Variants in B3GALT1 observed in about 807,000 individuals in gnomAD.
B3GALT1 encodes the protein UDP-Gal:betaGlcNAc beta 1,3-galactosyltransferase, polypeptide 1.
In B3GALT1, 10 loss-of-function variants were observed where a neutral mutation model predicts 23.2. That is an observed-to-expected ratio of 0.43 (90% CI 0.27 to 0.73). The LOEUF (loss-of-function observed/expected upper bound fraction) is 0.73. B3GALT1 is among the 30% of genes least tolerant of loss of function. The pLI is 0.21. For missense variants in B3GALT1, 299 were observed against 405.4 expected, an observed-to-expected ratio of 0.74 and a Z score of 2.25; for synonymous variants, 156 against 141.5, an observed-to-expected ratio of 1.10 and a Z score of -0.73.
intron 1 of B3GALT1, among the ~76,000 whole-genome samples, chr2:167,296,797 T>C (rs981536777): frequency 2.6e-5 from 4 of 152,170 alleles, no homozygotes; most frequent in African/African-American, 9.6e-5. Context: ...CACACAAAGA[T>C]CCCCACCCTT....
chr2:167,804,788 T>C (rs1249570762), intron 3 of B3GALT1, among the ~76,000 whole-genome samples: 7 of 151,752 alleles, frequency 4.6e-5, no homozygotes, highest in South Asian at 4.2e-4. Flanking sequence ...AATAAACATA[T>C]GTGTGCATGT....
intron 1 of B3GALT1, among the ~76,000 whole-genome samples, chr2:167,464,173 T>TA (rs1307475193): frequency 2.1e-3 from 312 of 151,132 alleles, no homozygotes; most frequent in Middle Eastern, 3.4e-3. Context: ...TTTTTTTTTT[T>TA]AAAAAAGGAT....
At chr2:167,308,388 A>T (rs1243234404) in intron 1 of B3GALT1, among the ~76,000 whole-genome samples, 2 of 151,904 alleles carry the variant, frequency 1.3e-5, no homozygotes, top group Non-Finnish European at 2.9e-5. Context: ...AAGGGAAAAA[A>T]CTGCCCTATC....
intron 1 of B3GALT1, among the ~76,000 whole-genome samples, chr2:167,454,771 C>T (rs1178173372): frequency 2.0e-5 from 3 of 152,174 alleles, no homozygotes; most frequent in East Asian, 3.9e-4. Flanking sequence ...GCAGTTTTTA[C>T]TGTAATACCA....
intron 2 of B3GALT1, among the ~76,000 whole-genome samples, chr2:167,623,670 G>T (rs1053849727): frequency 1.3e-5 from 2 of 151,992 alleles, no homozygotes; most frequent in African/African-American, 4.8e-5. Flanking sequence ...GTTGATGGGT[G>T]CACCAAACCA....
chr2:167,693,165 T>C (rs1194725754), intron 3 of B3GALT1, among the ~76,000 whole-genome samples: 2 of 151,960 alleles, frequency 1.3e-5, no homozygotes, highest in Non-Finnish European at 1.5e-5. Context: ...CAATACCCTT[T>C]ACAGAGTATG....
chr2:167,507,377 C>T (rs531806653), intron 2 of B3GALT1, among the ~76,000 whole-genome samples: 172 of 151,404 alleles, frequency 1.1e-3, no homozygotes, highest in African/African-American at 3.8e-3. Flanking sequence ...TGTGGTGGCA[C>T]GCACCTGTAA....
At chr2:167,332,021 G>C (rs1464484982) in intron 1 of B3GALT1, among the ~76,000 whole-genome samples, 1 of 152,200 alleles carries the variant, frequency 6.6e-6, no homozygotes, top group Non-Finnish European at 1.5e-5. Flanking sequence ...GGCTATGTTC[G>C]CTAAATGGTG....
intron 4 of B3GALT1, among the ~76,000 whole-genome samples, chr2:167,847,644 A>G (rs1208696641): frequency 6.6e-6 from 1 of 152,178 alleles, no homozygotes; most frequent in Admixed American, 6.5e-5. Context: ...AGACTGAAAG[A>G]GCACAAACTG....
chr2:167,716,896 T>G (rs1687154111), intron 3 of B3GALT1, among the ~76,000 whole-genome samples: 1 of 152,184 alleles, frequency 6.6e-6, no homozygotes, highest in Non-Finnish European at 1.5e-5. Context: ...ATTATCACAG[T>G]CAATTGGTAT....
At chr2:167,446,490 C>G (rs1057257276) in intron 1 of B3GALT1, among the ~76,000 whole-genome samples, 2 of 152,186 alleles carry the variant, frequency 1.3e-5, no homozygotes, top group African/African-American at 4.8e-5. Context: ...CCCTGTCACT[C>G]TCAGGTACAC....
At chr2:167,319,967 A>G (rs1257286484) in intron 1 of B3GALT1, among the ~76,000 whole-genome samples, 1 of 152,020 alleles carries the variant, frequency 6.6e-6, no homozygotes, top group Non-Finnish European at 1.5e-5. Context: ...TTACTTACAT[A>G]CCTCAGGTTT....
At chr2:167,715,306 T>A in intron 3 of B3GALT1, 2 of 1,613,956 alleles carry the variant, frequency 1.2e-6, no homozygotes, top group South Asian at 2.2e-5. Flanking sequence ...GAACTTGTTC[T>A]GCTTATACTT....
intron 3 of B3GALT1, among the ~76,000 whole-genome samples, chr2:167,809,808 G>A (rs372916865): frequency 2.0e-5 from 3 of 152,086 alleles, no homozygotes; most frequent in East Asian, 4.0e-4. Context: ...CTCTCTTCAA[G>A]GCTGTCAGAC....
intron 2 of B3GALT1, among the ~76,000 whole-genome samples, chr2:167,563,900 C>CGGCCGGCCGGGCGG (rs1684084125): frequency 8.6e-6 from 1 of 116,870 alleles, no homozygotes; most frequent in Non-Finnish European, 1.7e-5. Context: ...GCCGGCCGGG[C>CGGCCGGCCGGGCGG]GGGGCCGATC....
chr2:167,588,971 C>G (rs1470788640), intron 2 of B3GALT1, among the ~76,000 whole-genome samples: 1 of 149,702 alleles, frequency 6.7e-6, no homozygotes, highest in African/African-American at 2.5e-5. Context: ...GAGGTGGGTT[C>G]TCACTCTGTT....
At chr2:167,298,722 G>T (rs188295290) in intron 1 of B3GALT1, among the ~76,000 whole-genome samples, 1 of 151,950 alleles carries the variant, frequency 6.6e-6, no homozygotes, top group African/African-American at 2.4e-5. Flanking sequence ...AATCACTTTG[G>T]ATTTCAATGT....
At chr2:167,804,417 G>C (rs1558984565) in intron 3 of B3GALT1, among the ~76,000 whole-genome samples, 3 of 151,644 alleles carry the variant, frequency 2.0e-5, no homozygotes, top group Non-Finnish European at 4.4e-5. Context: ...ATGTTGGTGT[G>C]CTGCACCCAT....
intron 3 of B3GALT1, among the ~76,000 whole-genome samples, chr2:167,805,552 C>T (rs539539666): frequency 0.036 from 5,483 of 152,192 alleles, 360 homozygotes; most frequent in African/African-American, 0.13. Context: ...ATATGGCTAG[C>T]CAGTTTTCCC....
Sources: allele counts gnomAD v4.1 joint callset (sites outside exome capture counted in the v4.1 genomes callset), GRCh38; gene constraint gnomAD v4.1.1; transcripts MANE v1.5; gene names NCBI Gene and HGNC (gene_info 2026-07-23, HGNC 2026-07-21).